The following RELN variants were observed in gnomAD, a reference collection of about 807,000 sequenced individuals.
RELN encodes reelin.
A neutral mutation model predicts 427.6 loss-of-function variants in RELN; 108 were observed. That is an observed-to-expected ratio of 0.25 (90% CI 0.22 to 0.30). RELN has a LOEUF of 0.30. RELN is among the 10% of genes least tolerant of loss of function. The pLI, the probability that RELN is intolerant of heterozygous loss-of-function variation, is 1.00. For missense variants in RELN, 3,715 were observed against 4,302.8 expected (o/e 0.86, Z 3.82); for synonymous variants, 1,524 against 1,513.4 (o/e 1.01, Z -0.16).
intron 8 of RELN, among the ~76,000 whole-genome samples, chr7:103,703,157 GC>G (rs1183436914): frequency 6.6e-6 from 1 of 152,126 alleles, no homozygotes; most frequent in African/African-American, 2.4e-5. Flanking sequence ...GAAGGTACCA[GC>G]TGGAAGGAGC....
In RELN at chr7:103,604,376, C is replaced by G; in HGVS notation, c.3116G>C (p.Gly1039Ala). 1 of 1,613,876 alleles carries G rather than the reference C, an allele frequency of 6.2e-7. No homozygotes were observed. The highest frequency in any genetic ancestry group is 1.3e-5 in the African/African-American group (1 of 75,020). ...IGQQCPNMCSGHGSCDHGICR... is the reference protein window; with the variant it reads ...IGQQCPNMCSAHGSCDHGICR... ...TATGCCATGATCGCATGAGCCATGC[C>G]CACTGCACATGTTGGGGCACTGCTG... The change falls in exon 23 of 65, where the codon GGG (glycine) becomes GCG (alanine). Residue 1039 changes from glycine to alanine, a missense_variant. By Grantham distance (60) the Gly-to-Ala change is moderately conservative. Around this residue, in one of 4 missense-constraint regions of RELN, gnomAD observed 2,208 missense variants for 2,361.7 expected, o/e 0.93. Transcript: ENST00000428762.
intron 60 of RELN, among the ~76,000 whole-genome samples, chr7:103,489,137 C>T (rs1828554040): frequency 6.6e-6 from 1 of 151,972 alleles, no homozygotes; most frequent in Non-Finnish European, 1.5e-5. Flanking sequence ...ATACTCTCTG[C>T]CCTGGATATA....
At chr7:103,572,122 G>A in intron 31 of RELN, 62 bp downstream of exon 31, 1 of 940,190 alleles carries the variant, frequency 1.1e-6, no homozygotes, top group South Asian at 1.3e-5. Context: ...CCAAACTTTG[G>A]GAGGATAAAG....
chr7:103,792,266 A>C (rs1433247522), intron 3 of RELN, among the ~76,000 whole-genome samples: 1 of 152,226 alleles, frequency 6.6e-6, no homozygotes, highest in African/African-American at 2.4e-5. Context: ...AAATGTATAC[A>C]CAAATGTTCT....
At position 103,553,476 on chromosome 7, in the gene RELN, G is replaced by A; in HGVS notation, c.6057C>T (p.Thr2019=). 1 of 1,611,206 alleles carries A rather than the reference G, an allele frequency of 6.2e-7. No individual in the cohort carries two copies. Among genetic ancestry groups the A allele is most frequent in the Non-Finnish European group, 8.5e-7 (1 of 1,177,468 alleles). Residue 2019 remains threonine (T), a synonymous_variant, in exon 40 of 65, where the codon ACC becomes ACT. Coordinates refer to ENST00000428762, the MANE Select transcript of RELN (RefSeq NM_005045.4). ...TTRDLNVNEN[T]IIQFEINVGC... ...AGTCAAGTACCTCAAATTGTATGATGGTGTTCTCATTCACATTTAGGTCAC... is the reference window on the plus strand; with the variant it reads ...AGTCAAGTACCTCAAATTGTATGATAGTGTTCTCATTCACATTTAGGTCAC...
intron 46 of RELN, among the ~76,000 whole-genome samples, chr7:103,526,276 T>C (rs751656249): frequency 6.6e-5 from 10 of 152,338 alleles, no homozygotes; most frequent in Middle Eastern, 6.8e-3. Flanking sequence ...AATGCTGACA[T>C]TTTCAATTTG....
intron 50 of RELN, 87 bp downstream of exon 50, chr7:103,515,098 G>T (rs188334529): frequency 1.8e-4 from 273 of 1,530,372 alleles, no homozygotes; most frequent in South Asian, 8.6e-4. Context: ...ATCTGAAAAG[G>T]TTCCATATTT....
In RELN at chr7:103,635,006, G is replaced by A. The variant is rs182318876; in HGVS notation, c.2465+419C>T. ...CCTGAGTAGCTGGGACTACAGGTGCGCACCACCACACCCAGCTTTTTTTTT... is the reference window on the plus strand; with the variant it reads ...CCTGAGTAGCTGGGACTACAGGTGCACACCACCACACCCAGCTTTTTTTTT... On this transcript the variant is annotated intron_variant, in intron 19 of 64. Transcript: ENST00000428762. 9.1e-3 allele frequency among the ~76,000 whole-genome samples: 1,376 copies of A among 151,740 alleles called. 13 individuals carry two copies. The highest frequency in any genetic ancestry group is 0.031 in the African/African-American group (1,278 of 41,380).
intron 8 of RELN, among the ~76,000 whole-genome samples, chr7:103,718,212 G>GT (rs1255540920): frequency 6.6e-6 from 1 of 151,546 alleles, no homozygotes; most frequent in East Asian, 1.9e-4. Flanking sequence ...AGCATGTACA[G>GT]TACAGAAGGA....
intron 6 of RELN, among the ~76,000 whole-genome samples, chr7:103,734,631 T>A (rs1288940242): frequency 6.6e-6 from 1 of 152,142 alleles, no homozygotes; most frequent in Non-Finnish European, 1.5e-5. Context: ...TTACAGATCA[T>A]CAAGTGAGAG....
At chr7:103,488,037 A>T (rs143415936) in intron 60 of RELN, among the ~76,000 whole-genome samples, 1 of 152,100 alleles carries the variant, frequency 6.6e-6, no homozygotes. Flanking sequence ...AATCCCAGCT[A>T]CTCAGGAGGC....
At chr7:103,972,364 C>G (rs578188479) in intron 1 of RELN, among the ~76,000 whole-genome samples, 1 of 152,336 alleles carries the variant, frequency 6.6e-6, no homozygotes, top group South Asian at 2.1e-4. Flanking sequence ...GATTTAGAAA[C>G]TAGTTTCCTC....
chr7:103,757,986 A>G (rs1791204389), intron 4 of RELN, among the ~76,000 whole-genome samples: 1 of 152,208 alleles, frequency 6.6e-6, no homozygotes, highest in African/African-American at 2.4e-5. Context: ...TTTTTTCAGA[A>G]GTGAATATTT....
At chr7:103,490,565 A>C (rs990561463) in intron 59 of RELN, 103 bp downstream of exon 59, 1 of 1,233,902 alleles carries the variant, frequency 8.1e-7, no homozygotes, top group African/African-American at 1.5e-5. Context: ...CCAGGGCTGC[A>C]TGTAAAGCTC....
At chr7:103,863,076 T>C (rs1794108697) in intron 2 of RELN, among the ~76,000 whole-genome samples, 1 of 152,096 alleles carries the variant, frequency 6.6e-6, no homozygotes, top group Non-Finnish European at 1.5e-5. Flanking sequence ...AGTCATCTAC[T>C]ATTAAGACAA....
At chr7:103,855,530 T>C (rs1046077998) in intron 2 of RELN, among the ~76,000 whole-genome samples, 2 of 152,254 alleles carry the variant, frequency 1.3e-5, no homozygotes, top group Admixed American at 6.5e-5. Context: ...GCAAGGATTC[T>C]ATTATTAAGA....
intron 20 of RELN, among the ~76,000 whole-genome samples, chr7:103,613,378 T>C (rs564709853): frequency 3.9e-5 from 6 of 152,238 alleles, no homozygotes; most frequent in African/African-American, 1.4e-4. Context: ...GATACTCTGA[T>C]GTTAAAAATA....
intron 1 of RELN, among the ~76,000 whole-genome samples, chr7:103,964,456 C>G (rs1291833538): frequency 1.3e-5 from 2 of 152,158 alleles, no homozygotes; most frequent in African/African-American, 4.8e-5. Context: ...CTAGCACCAA[C>G]CACCACCAAT....
intron 2 of RELN, among the ~76,000 whole-genome samples, chr7:103,880,837 C>T (rs914467718): frequency 1.3e-5 from 2 of 152,018 alleles, no homozygotes; most frequent in Admixed American, 6.6e-5. Flanking sequence ...GGACTACAGG[C>T]ATGTGCCACC....
Sources: allele counts gnomAD v4.1 joint callset (sites outside exome capture counted in the v4.1 genomes callset), GRCh38; gene constraint gnomAD v4.1.1; regional missense constraint gnomAD v4.1.1; transcripts MANE v1.5; gene names NCBI Gene and HGNC (gene_info 2026-07-23, HGNC 2026-07-21).